The following NCAPG2 variants were observed in gnomAD, a reference collection of about 807,000 sequenced individuals.
NCAPG2 encodes non-SMC condensin II complex subunit G2.
In NCAPG2, 53 loss-of-function variants were observed where a neutral mutation model predicts 141.1. The ratio of observed to expected loss-of-function variants is 0.38; its 90% CI spans 0.30 to 0.47. NCAPG2 has a LOEUF of 0.47. Among genes scored for constraint, NCAPG2 ranks in the 20% least tolerant of loss-of-function variants. NCAPG2 has a pLI of 0.99. For missense variants in NCAPG2, 1,087 were observed against 1,389.0 expected, an observed-to-expected ratio of 0.78 and a Z score of 3.46; for synonymous variants, 499 against 490.7, an observed-to-expected ratio of 1.02 and a Z score of -0.22.
chr7:158,660,228 G>T (rs959531658), intron 16 of NCAPG2, among the ~76,000 whole-genome samples: 2 of 151,994 alleles, frequency 1.3e-5, no homozygotes, highest in South Asian at 2.1e-4. Context: ...GTGGTGGAGA[G>T]ACTTCTTATA....
In NCAPG2 at chr7:158,701,911, C is replaced by T. The variant is rs1349708147; in HGVS notation, c.-12G>A. The T allele has an allele frequency of 1.9e-6, 3 of 1,607,232 alleles. No homozygotes were observed. The highest frequency in any genetic ancestry group is 1.7e-6 in the Non-Finnish European group (2 of 1,177,004). On this transcript the variant is annotated 5_prime_UTR_variant, in exon 2 of 28. The change creates a new upstream start codon in the 5' untranslated region. Transcript: ENST00000356309. ...TCACGTTTTTCCATGACAGATGGCA[C>T]TGTTCAAATGGCATTTATTTTGTAA...
chr7:158,635,941 T>C (rs1005451544), intron 27 of NCAPG2, among the ~76,000 whole-genome samples: 2 of 152,248 alleles, frequency 1.3e-5, no homozygotes, highest in Non-Finnish European at 2.9e-5. Context: ...TTCCGTTAGA[T>C]TGATTTTTCT....
At chr7:158,689,739 G>T in intron 6 of NCAPG2, 80 bp downstream of exon 6, 1 of 1,323,132 alleles carries the variant, frequency 7.6e-7, no homozygotes, top group Non-Finnish European at 1.0e-6. Context: ...GCATGGTGCA[G>T]ACAGGAACCA....
intron 27 of NCAPG2, among the ~76,000 whole-genome samples, chr7:158,642,310 G>C (rs1339234116): frequency 6.6e-6 from 1 of 152,196 alleles, no homozygotes; most frequent in East Asian, 1.9e-4. Context: ...GGCCGCAGGA[G>C]GCTTGTTTGA....
At chr7:158,645,256 G>A (rs1830924326) in intron 26 of NCAPG2, among the ~76,000 whole-genome samples, 1 of 152,190 alleles carries the variant, frequency 6.6e-6, no homozygotes, top group Admixed American at 6.5e-5. Context: ...TGGACCTAGT[G>A]GCAACAGGTG....
In NCAPG2 at chr7:158,653,386, A is replaced by AT. The variant is rs55851897; in HGVS notation, c.2747-907_2747-906insA. ...TCTCAAAAAAAAAAAAATAAAAAAA[A>AT]AAATAATAATAATAATTAAACAAAA... is the stretch of plus-strand genomic sequence containing the variant. On this transcript the variant is annotated intron_variant, in intron 22 of 27. Transcript: ENST00000356309. Among the ~76,000 whole-genome samples, 4 of 112,762 alleles carry AT rather than the reference A, an allele frequency of 3.5e-5. 1 individual carries two copies. Among genetic ancestry groups the AT allele is most frequent in the South Asian group, 6.0e-4 (2 of 3,352 alleles). 74.0% of individuals were successfully genotyped at this position (112,762 alleles called of 152,430 possible). A position where few individuals can be genotyped will look rare whatever the true frequency, so the allele number is the denominator to read the frequency against.
In NCAPG2 at chr7:158,652,368, T is replaced by C; in HGVS notation, c.2859A>G (p.Thr953=). 1 of 1,613,864 alleles carries C rather than the reference T, an allele frequency of 6.2e-7. No individual in the cohort carries two copies. Among genetic ancestry groups the C allele is most frequent in the Non-Finnish European group, 8.5e-7 (1 of 1,179,968 alleles). The change falls in exon 23 of 28, where the codon ACA becomes ACG. Residue 953 remains threonine, a synonymous_variant. Transcript: ENST00000356309. Reference sequence around the variant, plus strand: ...ACATTTTCTGAAATACTTTCTGGACTGTGTCCAACAGCATTGCAACTTCTT... The same window carrying C: ...ACATTTTCTGAAATACTTTCTGGACCGTGTCCAACAGCATTGCAACTTCTT... The part of the protein sequence containing the change: ...SDEEVAMLLD[T]VQKVFQKMLE...
intron 6 of NCAPG2, among the ~76,000 whole-genome samples, 197 bp downstream of exon 6, chr7:158,689,622 C>T (rs1389563379): frequency 3.3e-5 from 5 of 152,150 alleles, no homozygotes; most frequent in Non-Finnish European, 5.9e-5. Flanking sequence ...TGTTACCATC[C>T]AATTTAATGA....
chr7:158,664,946 T>C, intron 13 of NCAPG2, 196 bp from the exon 14 acceptor site: 5 of 559,482 alleles, frequency 8.9e-6, no homozygotes, highest in Non-Finnish European at 9.4e-6. Flanking sequence ...TTTTTAAAAG[T>C]ACTGTTATAT....
intron 12 of NCAPG2, among the ~76,000 whole-genome samples, chr7:158,673,462 C>T (rs999708240): frequency 2.6e-5 from 4 of 152,158 alleles, no homozygotes; most frequent in African/African-American, 9.7e-5. Flanking sequence ...AGCCAGTGTG[C>T]AATAGTGAAT....
At chr7:158,657,730 A>T (rs1191572781) in intron 17 of NCAPG2, among the ~76,000 whole-genome samples, 1 of 152,220 alleles carries the variant, frequency 6.6e-6, no homozygotes, top group African/African-American at 2.4e-5. Context: ...GGTGGGGAAA[A>T]GATTGAGAAA....
At position 158,644,141 on chromosome 7, in the gene NCAPG2, T is replaced by C. The variant is rs561819785; in HGVS notation, c.3380+148A>G. ...TAAATTAAACGTAAGCTAAAGGTCTTTGCCAACAGAAACATTTCTCTCCTT... is the reference window on the plus strand; with the variant it reads ...TAAATTAAACGTAAGCTAAAGGTCTCTGCCAACAGAAACATTTCTCTCCTT... On this transcript the variant is annotated intron_variant, in intron 27 of 27. Coordinates refer to ENST00000356309, the MANE Select transcript of NCAPG2 (RefSeq NM_017760.7). 1.1e-3 allele frequency: 664 copies of C among 595,542 alleles called. 1 individual carries two copies. The highest frequency in any genetic ancestry group is 1.7e-3 in the Non-Finnish European group (586 of 340,978). The allele number at this position is 595,542 out of a possible 1,614,324, so 36.9% of individuals were successfully genotyped here.
chr7:158,635,828 G>A (rs1297029752), intron 27 of NCAPG2, among the ~76,000 whole-genome samples: 1 of 152,160 alleles, frequency 6.6e-6, no homozygotes, highest in Admixed American at 6.5e-5. Flanking sequence ...ATTGGAGCAA[G>A]GGGTTCCCAG....
At chr7:158,687,289 T>G in intron 7 of NCAPG2, 59 bp downstream of exon 7, 8 of 1,210,462 alleles carry the variant, frequency 6.6e-6, no homozygotes, top group Non-Finnish European at 9.4e-6. Flanking sequence ...TCAGACCAAA[T>G]GGAATCTTTC....
intron 2 of NCAPG2, among the ~76,000 whole-genome samples, chr7:158,696,871 A>G (rs568216989): frequency 6.6e-6 from 1 of 152,240 alleles, no homozygotes. Context: ...ATAGTCAGGC[A>G]ATGCATAGTG....
At chr7:158,664,919 GAATT>G (rs1563533222) in intron 13 of NCAPG2, among the ~76,000 whole-genome samples, 169 bp from the exon 14 acceptor site, 1 of 152,130 alleles carries the variant, frequency 6.6e-6, no homozygotes, top group African/African-American at 2.4e-5. Context: ...AGAGAAATTA[GAATT>G]AATAAATCTA....
chr7:158,663,389 G>A (rs529622817), intron 15 of NCAPG2, among the ~76,000 whole-genome samples: 3 of 152,346 alleles, frequency 2.0e-5, no homozygotes, highest in African/African-American at 7.2e-5. Flanking sequence ...TTTCCTGTAT[G>A]TTTTTGGTAA....
At chr7:158,639,796 A>T (rs1319223582) in intron 27 of NCAPG2, 1 of 952,770 alleles carries the variant, frequency 1.0e-6, no homozygotes, top group Non-Finnish European at 1.2e-6. Context: ...AACACTACAA[A>T]ACAAAACAAC....
intron 17 of NCAPG2, among the ~76,000 whole-genome samples, chr7:158,657,372 T>C (rs566427578): frequency 1.3e-5 from 2 of 152,378 alleles, no homozygotes; most frequent in East Asian, 3.9e-4. Flanking sequence ...CAGGGCCACA[T>C]GTGACCAACG....
Sources: gnomAD v4.1 joint callset for allele counts (sites outside exome capture counted in the v4.1 genomes callset) on GRCh38, gnomAD v4.1.1 for gene constraint, MANE v1.5 for transcripts, NCBI Gene and HGNC (gene_info 2026-07-23, HGNC 2026-07-21) for gene names.